Variants in NFX1 observed in about 807,000 individuals in gnomAD.
NFX1 encodes nuclear transcription factor, X-box binding 1.
A neutral mutation model predicts 137.2 loss-of-function variants in NFX1; 69 were observed. The observed-to-expected ratio is 0.50, with a 90% CI of 0.41 to 0.61. The LOEUF is 0.61. NFX1 is among the 20% of genes least tolerant of loss of function. The pLI is 0.00. For missense variants in NFX1, 1,167 were observed against 1,391.0 expected (o/e 0.84, Z 2.56); for synonymous variants, 495 against 474.1 (o/e 1.04, Z -0.57).
At chr9:33,323,844 AGAT>A (rs1822478198) in intron 9 of NFX1, among the ~76,000 whole-genome samples, 1 of 152,220 alleles carries the variant, frequency 6.6e-6, no homozygotes, top group Admixed American at 6.5e-5. Flanking sequence ...AAAGATGTGA[AGAT>A]GATGTCTTAT....
intron 2 of NFX1, among the ~76,000 whole-genome samples, chr9:33,300,675 T>C (rs970219169): frequency 2.0e-5 from 3 of 152,208 alleles, no homozygotes; most frequent in Non-Finnish European, 2.9e-5. Context: ...TACACACTGG[T>C]CTGTGTCACT....
chr9:33,365,297 A>C (rs1427178469), intron 21 of NFX1: 1 of 153,668 alleles, frequency 6.5e-6, no homozygotes, highest in African/African-American at 2.4e-5. Flanking sequence ...AGAAAGAAAG[A>C]AAGCTCTGCA....
chr9:33,352,545 C>T (rs1823673991), intron 16 of NFX1, 101 bp from the exon 17 acceptor site: 1 of 1,000,940 alleles, frequency 1.0e-6, no homozygotes, highest in African/African-American at 1.6e-5. Flanking sequence ...CACTGACTCT[C>T]TAGTCTCTGC....
intron 11 of NFX1, among the ~76,000 whole-genome samples, chr9:33,335,799 A>G (rs967456996): frequency 6.6e-6 from 1 of 152,176 alleles, no homozygotes; most frequent in African/African-American, 2.4e-5. Context: ...GTCACAATAT[A>G]TATTCTTTTG....
At chr9:33,356,751 C>A (rs1212212178) in intron 19 of NFX1, among the ~76,000 whole-genome samples, 2 of 152,028 alleles carry the variant, frequency 1.3e-5, no homozygotes, top group Admixed American at 6.6e-5. Flanking sequence ...TTGTCCTTTT[C>A]CCAGCACTCT....
chr9:33,292,639 C>T (rs1564095533), intron 1 of NFX1, among the ~76,000 whole-genome samples: 2 of 152,200 alleles, frequency 1.3e-5, no homozygotes, highest in African/African-American at 4.8e-5. Context: ...CCTCATGTCT[C>T]TTATGGGTTT....
At chr9:33,328,823 T>A in intron 10 of NFX1, 145 bp downstream of exon 10, 1 of 594,370 alleles carries the variant, frequency 1.7e-6, no homozygotes, top group Non-Finnish European at 3.0e-6. Flanking sequence ...TATAGTGGGA[T>A]AAGGCAAATA....
At chr9:33,292,324 A>C (rs923119735) in intron 1 of NFX1, among the ~76,000 whole-genome samples, 4 of 152,186 alleles carry the variant, frequency 2.6e-5, no homozygotes, top group African/African-American at 9.7e-5. Context: ...CCTCATCATC[A>C]AAGTCTTTAA....
rs1823074315 is a variant in NFX1, at chr9:33,338,042, C to A, written c.2036-468C>A. On this transcript the variant is annotated intron_variant, in intron 11 of 23. Coordinates refer to ENST00000379540, the MANE Select transcript of NFX1 (RefSeq NM_002504.6). ...CCAGCCTGGGCAGCAGAGTGAGACC[C>A]TGTCTCAGAAAAAAAAAAAGAAAGC... 2.7e-5 allele frequency among the ~76,000 whole-genome samples: 4 copies of A among 149,878 alleles called. No individual in the cohort carries two copies. The South Asian group carries it at 8.4e-4, about 32-fold the overall frequency.
Position 33,370,192 on chromosome 9 carries a change from G to C in NFX1, c.*214G>C. 2.1e-6 allele frequency: 1 copy of C among 470,692 alleles called. No homozygotes were observed. Among genetic ancestry groups the C allele is most frequent in the East Asian group, 3.6e-5 (1 of 27,980 alleles). 29.2% of individuals were successfully genotyped at this position (470,692 alleles called of 1,614,324 possible). A position where few individuals can be genotyped will look rare whatever the true frequency, so the allele number is the denominator to read the frequency against. On this transcript the variant is annotated 3_prime_UTR_variant, in exon 24 of 24. Coordinates refer to ENST00000379540, the MANE Select transcript of NFX1 (RefSeq NM_002504.6). ...ATTATGACCAGATCTCTGATTGTAT[G>C]GTCACTAGGTATGCAATCACGCATT... is the stretch of plus-strand genomic sequence containing the variant.
chr9:33,361,865 C>A (rs1182078981), intron 19 of NFX1, among the ~76,000 whole-genome samples: 1 of 151,360 alleles, frequency 6.6e-6, no homozygotes, highest in East Asian at 1.9e-4. Flanking sequence ...GGCTCATCCC[C>A]ATAATCCCAG....
intron 17 of NFX1, 133 bp downstream of exon 17, chr9:33,352,852 G>T: frequency 2.9e-6 from 2 of 680,182 alleles, no homozygotes; most frequent in Admixed American, 2.3e-5. Context: ...GTTGTAATCA[G>T]TTGTAAACAC....
chr9:33,326,488 G>A lies in NFX1; in HGVS notation c.1907-2093G>A, dbSNP rs891124691. Among the ~76,000 whole-genome samples the A allele has an allele frequency of 4.6e-5, 7 of 151,710 alleles. No individual in the cohort carries two copies. In the East Asian group the frequency reaches 1.4e-3, roughly 29 times the overall value. On this transcript the variant is annotated intron_variant, in intron 9 of 23. Coordinates refer to ENST00000379540, the MANE Select transcript of NFX1 (RefSeq NM_002504.6). ...AATCCCAGCTACTCAGGAGGCTGAG[G>A]TGGAAGGATCACTTGAGGCTAGGAG... is the stretch of plus-strand genomic sequence containing the variant.
Position 33,337,655 on chromosome 9 carries a change from G to A in NFX1, c.2036-855G>A, listed in dbSNP as rs114721508. 6.6e-3 allele frequency among the ~76,000 whole-genome samples: 999 copies of A among 152,274 alleles called. 7 individuals are homozygous for A. Among genetic ancestry groups the A allele is most frequent in the African/African-American group, 0.023 (949 of 41,534 alleles). ...AAGATGGGAGGCTCATTTGAGTGCA[G>A]GAATTCGAGGTTACAGTGAGCTATG... On this transcript the variant is annotated intron_variant, in intron 11 of 23. Transcript: ENST00000379540.
At chr9:33,301,558 G>C in intron 3 of NFX1, 137 bp downstream of exon 3, 1 of 790,948 alleles carries the variant, frequency 1.3e-6, no homozygotes, top group East Asian at 2.8e-5. Flanking sequence ...CCTTGATCAT[G>C]TGTTTCATAT....
chr9:33,323,061 T>A (rs949186644), intron 9 of NFX1, among the ~76,000 whole-genome samples: 1 of 152,202 alleles, frequency 6.6e-6, no homozygotes, highest in Non-Finnish European at 1.5e-5. Flanking sequence ...TCCTTGAGAC[T>A]GAGCGTAATC....
At chr9:33,345,763 C>A (rs891949606) in intron 14 of NFX1, among the ~76,000 whole-genome samples, 1 of 152,106 alleles carries the variant, frequency 6.6e-6, no homozygotes, top group African/African-American at 2.4e-5. Flanking sequence ...ATGGATGGGC[C>A]ATAACTTATT....
chr9:33,309,169 A>C (rs1256752661), intron 5 of NFX1, among the ~76,000 whole-genome samples: 1 of 152,088 alleles, frequency 6.6e-6, no homozygotes, highest in Non-Finnish European at 1.5e-5. Flanking sequence ...CATCCTGGCT[A>C]AGACGGTGCA....
At chr9:33,307,483 C>T (rs1266080523) in intron 5 of NFX1, among the ~76,000 whole-genome samples, 184 bp downstream of exon 5, 1 of 152,252 alleles carries the variant, frequency 6.6e-6, no homozygotes, top group Non-Finnish European at 1.5e-5. Flanking sequence ...ATCCTTACCA[C>T]AGCCCAGTAA....
Sources: gnomAD v4.1 joint callset for allele counts (sites outside exome capture counted in the v4.1 genomes callset) on GRCh38, gnomAD v4.1.1 for gene constraint, MANE v1.5 for transcripts, NCBI Gene and HGNC (gene_info 2026-07-23, HGNC 2026-07-21) for gene names.